Variants in MASP1 observed in about 807,000 individuals in gnomAD.
The protein encoded by MASP1 is mannan-binding lectin serine protease 1.
A neutral mutation model predicts 77.1 loss-of-function variants in MASP1; 59 were observed. That is an observed-to-expected ratio of 0.77 (90% CI 0.62 to 0.95). The LOEUF (loss-of-function observed/expected upper bound fraction) is 0.95, where lower values mean the gene tolerates loss of function less well. Ranked by LOEUF, MASP1 falls within the 40% of genes least tolerant of loss-of-function variation. MASP1 has a pLI of 0.00. For missense variants in MASP1, 885 were observed against 912.9 expected, an observed-to-expected ratio of 0.97 and a Z score of 0.39; for synonymous variants, 362 against 354.5, an observed-to-expected ratio of 1.02 and a Z score of -0.24.
chr3:187,272,022 G>C (rs698101), intron 2 of MASP1, among the ~76,000 whole-genome samples: 1 of 152,102 alleles, frequency 6.6e-6, no homozygotes, highest in African/African-American at 2.4e-5. Context: ...AGATGGCAGC[G>C]TATGGCAGGG....
intron 6 of MASP1, among the ~76,000 whole-genome samples, chr3:187,252,523 C>T (rs893530501): frequency 1.3e-5 from 2 of 152,206 alleles, no homozygotes; most frequent in African/African-American, 2.4e-5. Flanking sequence ...TCTCCCGCAT[C>T]TGAGCAGTGT....
At chr3:187,239,450 A>G (rs1366525089) in intron 10 of MASP1, among the ~76,000 whole-genome samples, 1 of 152,216 alleles carries the variant, frequency 6.6e-6, no homozygotes, top group Non-Finnish European at 1.5e-5. Context: ...CTTACCAAAG[A>G]TCACAGTTAG....
chr3:187,219,997 G>T, exon 16 of MASP1: 1 of 1,507,472 alleles, frequency 6.6e-7, no homozygotes. Context: ...AGGAGAAATG[G>T]CTGCTTTCAT....
chr3:187,231,654 T>TCGCTGTG (rs1179620254), downstream of MASP1, among the ~76,000 whole-genome samples: 1 of 152,254 alleles, frequency 6.6e-6, no homozygotes, highest in African/African-American at 2.4e-5. Flanking sequence ...CCCTAGGAAT[T>TCGCTGTG]CGCTGTGCAC....
chr3:187,251,880 C>T, intron 6 of MASP1, 128 bp from the exon 7 acceptor site: 1 of 758,916 alleles, frequency 1.3e-6, no homozygotes, highest in Non-Finnish European at 2.3e-6. Context: ...AGGCATGGAT[C>T]TTCCAAGCCC....
At chr3:187,279,358 C>T (rs532124508) in intron 2 of MASP1, among the ~76,000 whole-genome samples, 1 of 152,304 alleles carries the variant, frequency 6.6e-6, no homozygotes, top group East Asian at 1.9e-4. Context: ...TTGTTGAAGG[C>T]AGGAAGCTGC....
chr3:187,219,769 T>C (rs1711925319), exon 16 of MASP1: 1 of 436,866 alleles, frequency 2.3e-6, no homozygotes, highest in Non-Finnish European at 4.3e-6. Context: ...ACGAGGTAGG[T>C]AAGGTATAGC....
chr3:187,261,660 G>A (rs1293267852), intron 3 of MASP1, among the ~76,000 whole-genome samples: 2 of 152,180 alleles, frequency 1.3e-5, no homozygotes, highest in Admixed American at 6.5e-5. Flanking sequence ...GAAAAGGTCT[G>A]GCAATGTCTC....
At chr3:187,223,308 T>C (rs1712180233) in intron 13 of MASP1, 4 of 896,594 alleles carry the variant, frequency 4.5e-6, no homozygotes, top group Middle Eastern at 2.1e-4. Context: ...ATTGTTCTTC[T>C]CAGAGAAAGG....
chr3:187,227,955 C>T (rs924316117), intron 11 of MASP1, among the ~76,000 whole-genome samples: 3 of 152,172 alleles, frequency 2.0e-5, no homozygotes, highest in African/African-American at 7.2e-5. Context: ...CCTCTCCTAT[C>T]CTTCCCCTGC....
chr3:187,253,391 C>T, intron 5 of MASP1, 76 bp from the exon 6 acceptor site: 4 of 1,444,366 alleles, frequency 2.8e-6, no homozygotes, highest in Non-Finnish European at 3.9e-6. Flanking sequence ...CAGGTAACAC[C>T]TCTCCACTGC....
intron 15 of MASP1, chr3:187,220,386 A>G: frequency 1.2e-6 from 1 of 806,340 alleles, no homozygotes; most frequent in Non-Finnish European, 2.0e-6. Context: ...GTTGGACCCA[A>G]ACCTCAGCTC....
intron 12 of MASP1, chr3:187,226,214 G>C: frequency 1.6e-6 from 1 of 613,090 alleles, no homozygotes; most frequent in Non-Finnish European, 3.0e-6. Flanking sequence ...AGACTTCAAT[G>C]CCTTCTCATG....
rs564848105 is a variant in MASP1 at position 187,256,807 on chromosome 3, C to T, written c.601G>A (p.Asp201Asn). ...CTCTTGGGGTAAGGGTTTGGGAAGT[C>T]AGGGCTGGTGATCACCCCAGTCCTT... ...TQRTGVITSP[D>N]FPNPYPKSSE... The change falls in exon 5 of 11, where the codon GAC becomes AAC. Residue 201 changes from aspartate (D) to asparagine (N), a missense_variant. Transcript: ENST00000296280. The T allele has an allele frequency of 1.9e-6, 3 of 1,613,926 alleles. No individual in the cohort carries two copies. Among genetic ancestry groups the T allele is most frequent in the African/African-American group, 2.7e-5 (2 of 74,956 alleles).
At chr3:187,250,162 G>T in intron 8 of MASP1, 89 bp downstream of exon 8, 2 of 1,075,946 alleles carry the variant, frequency 1.9e-6, no homozygotes, top group Non-Finnish European at 2.9e-6. Flanking sequence ...GAGTGCTCCT[G>T]CCAAGCTTTC....
At chr3:187,236,925 C>G (rs748717671) in intron 10 of MASP1, among the ~76,000 whole-genome samples, 7 of 152,190 alleles carry the variant, frequency 4.6e-5, no homozygotes, top group Non-Finnish European at 1.0e-4. Flanking sequence ...CCTTCCTTCT[C>G]TAGAAAGGCA....
At chr3:187,243,204 C>G (rs983051511) in intron 9 of MASP1, 178 of 435,680 alleles carry the variant, frequency 4.1e-4, no homozygotes, top group Non-Finnish European at 9.4e-5. Context: ...CCTTCACGCT[C>G]CCACCAACAA....
intron 6 of MASP1, 90 bp from the exon 7 acceptor site, chr3:187,251,842 G>C: frequency 1.0e-6 from 1 of 987,916 alleles, no homozygotes; most frequent in Non-Finnish European, 1.6e-6. Flanking sequence ...CCTGATGAAG[G>C]TGAATAAAAC....
chr3:187,229,647 G>T, downstream of MASP1: 4 of 1,384,348 alleles, frequency 2.9e-6, no homozygotes, highest in Non-Finnish European at 3.0e-6. Flanking sequence ...ACCGCACTGT[G>T]CTTCTGTGCC....
Sources: allele counts gnomAD v4.1 joint callset (sites outside exome capture counted in the v4.1 genomes callset), GRCh38; gene constraint gnomAD v4.1.1; transcripts MANE v1.5; gene names NCBI Gene and HGNC (gene_info 2026-07-23, HGNC 2026-07-21).